The following FAM237A variants were observed in gnomAD, a reference collection of about 807,000 sequenced individuals.
The protein encoded by FAM237A is family with sequence similarity 237 member A.
FAM237A carries 14 observed loss-of-function variants against 12.5 expected under a neutral mutation model. The ratio of observed to expected loss-of-function variants is 1.12; its 90% confidence interval spans 0.74 to 1.75. The LOEUF (loss-of-function observed/expected upper bound fraction) is 1.75. Among genes scored for constraint, FAM237A ranks in the 40% most tolerant of loss-of-function variants. The pLI, the probability that FAM237A is intolerant of heterozygous loss-of-function variation, is 0.00. For missense variants in FAM237A, 240 were observed against 211.7 expected, an observed-to-expected ratio of 1.13 and a Z score of -0.83; for synonymous variants, 85 against 77.5, an observed-to-expected ratio of 1.10 and a Z score of -0.51.
At position 206,644,346 on chromosome 2, in the gene FAM237A, C is replaced by A; in HGVS notation, c.110C>A (p.Thr37Lys). The A allele has an allele frequency of 6.2e-7, 1 of 1,613,638 alleles. No individual in the cohort carries two copies. The highest frequency in any genetic ancestry group is 8.5e-7 in the Non-Finnish European group (1 of 1,179,718). ...TCTCCTTTCTTCTGCCATAGCCAGA[C>A]AGACTTGCTGGCTCTTAGCCAAGCT... is the stretch of plus-strand genomic sequence containing the variant. ...CVSPFFCHSQ[T>K]DLLALSQADP... Residue 37 changes from threonine to lysine, a missense_variant, in exon 2 of 3, where the codon ACA (threonine) becomes AAA (lysine). Transcript: ENST00000441223.
intron 2 of FAM237A, 82 bp from the exon 3 acceptor site, chr2:206,648,579 C>G: frequency 2.0e-5 from 28 of 1,377,316 alleles, no homozygotes; most frequent in Non-Finnish European, 2.6e-5. Flanking sequence ...ATCAAACCTG[C>G]CTTTTAAAGA....
intron 2 of FAM237A, 24 bp from the exon 3 acceptor site, chr2:206,648,637 G>T: frequency 1.3e-6 from 2 of 1,571,914 alleles, no homozygotes; most frequent in Non-Finnish European, 1.7e-6. Context: ...GTGATCTTAT[G>T]AAGTTCCGCT....
At chr2:206,643,362 G>A (rs995357827) in intron 1 of FAM237A, 1 of 152,110 alleles carries the variant, frequency 6.6e-6, no homozygotes, top group Non-Finnish European at 1.5e-5. Context: ...GGCAAAAAAA[G>A]TGAACATTTG....
At chr2:206,648,621 A>G in intron 2 of FAM237A, 40 bp from the exon 3 acceptor site, 2 of 1,551,408 alleles carry the variant, frequency 1.3e-6, no homozygotes, top group Non-Finnish European at 1.7e-6. Context: ...ACCTGAAACT[A>G]ATTTGGTGAT....
At chr2:206,645,916 G>A (rs1429316583) in intron 2 of FAM237A, among the ~76,000 whole-genome samples, 1 of 151,778 alleles carries the variant, frequency 6.6e-6, no homozygotes, top group Non-Finnish European at 1.5e-5. Context: ...TTGAACAGAG[G>A]CTGCCCAGGC....
At position 206,649,215 on chromosome 2, in the gene FAM237A, A is replaced by G. The variant is rs992697731; in HGVS notation, c.*421A>G. ...GGCACATAAGGGACTACATTTTGGA[A>G]TTACTAGTTACTGACAATCTATGAT... On this transcript the variant is annotated 3_prime_UTR_variant, in exon 3 of 3. Transcript: ENST00000441223. 1.3e-5 allele frequency among the ~76,000 whole-genome samples: 2 copies of G among 152,206 alleles called. No homozygotes were observed. The highest frequency in any genetic ancestry group is 4.8e-5 in the African/African-American group (2 of 41,464).
rs1699352639 is a variant in FAM237A, at chr2:206,648,945, C to G, written c.*151C>G. The stretch of plus-strand genomic sequence containing the variant: ...CTCTCAGTATACTAATTTAAAGCTG[C>G]CTTCTATTATTTATTTATTTATTTT... On this transcript the variant is annotated 3_prime_UTR_variant, in exon 3 of 3. Coordinates refer to ENST00000441223, the MANE Select transcript of FAM237A (RefSeq NM_001102659.3). 1 of 467,254 alleles carries G rather than the reference C, an allele frequency of 2.1e-6. No individual in the cohort carries two copies. The allele number at this position is 467,254 out of a possible 1,614,324, so 28.9% of individuals were successfully genotyped here. A position where few individuals can be genotyped will look rare whatever the true frequency, so the allele number is the denominator to read the frequency against.
At position 206,649,353 on chromosome 2, in the gene FAM237A, G is replaced by C. The variant is rs553175262; in HGVS notation, c.*559G>C. On this transcript the variant is annotated 3_prime_UTR_variant, in exon 3 of 3. Transcript: ENST00000441223. ...TCTAATGAAAACAAAATTAATAAAAGCTCTGGACCCCAGGTAATGTTATTG... is the reference window on the plus strand; with the variant it reads ...TCTAATGAAAACAAAATTAATAAAACCTCTGGACCCCAGGTAATGTTATTG... Among the ~76,000 whole-genome samples, 2 of 152,188 alleles carry C rather than the reference G, an allele frequency of 1.3e-5. No individual in the cohort carries two copies. The highest frequency in any genetic ancestry group is 2.4e-5 in the African/African-American group (1 of 41,518).
At chr2:206,647,782 G>A (rs1699335900) in intron 2 of FAM237A, among the ~76,000 whole-genome samples, 1 of 152,058 alleles carries the variant, frequency 6.6e-6, no homozygotes, top group African/African-American at 2.4e-5. Flanking sequence ...AAATTTTGAA[G>A]TACATTCTTC....
rs546670891 is a variant in FAM237A, at chr2:206,647,636, C to CACAG, written c.413-1022_413-1021insGACA. Among the ~76,000 whole-genome samples the CACAG allele has an allele frequency of 1.2e-3, 143 of 122,148 alleles. 4 individuals carry two copies. The South Asian group carries it at 0.029, about 25-fold the overall frequency. The allele number at this position is 122,148 out of a possible 152,430, so 80.1% of individuals were successfully genotyped here. A position where few individuals can be genotyped will look rare whatever the true frequency, so the allele number is the denominator to read the frequency against. Reference sequence around the variant, plus strand: ...AAAGGGTGAGAGAGACACACAGACACACACACACACACACACACACACACA... The same window carrying CACAG: ...AAAGGGTGAGAGAGACACACAGACACACAGACACACACACACACACACACACACA... On this transcript the variant is annotated intron_variant, in intron 2 of 2. Coordinates refer to ENST00000441223, the MANE Select transcript of FAM237A (RefSeq NM_001102659.3).
intron 2 of FAM237A, among the ~76,000 whole-genome samples, chr2:206,648,132 C>T (rs180962433): frequency 1.9e-4 from 29 of 152,278 alleles, no homozygotes; most frequent in Non-Finnish European, 3.7e-4. Flanking sequence ...CAATTACCCA[C>T]CTAGAAATCT....
At chr2:206,647,419 G>A (rs933216105) in intron 2 of FAM237A, among the ~76,000 whole-genome samples, 1 of 152,128 alleles carries the variant, frequency 6.6e-6, no homozygotes, top group Non-Finnish European at 1.5e-5. Flanking sequence ...AGGAACAGAC[G>A]AGGTTCAGAA....
chr2:206,645,629 T>C (rs997787478), intron 2 of FAM237A, among the ~76,000 whole-genome samples: 2 of 152,234 alleles, frequency 1.3e-5, no homozygotes, highest in African/African-American at 4.8e-5. Context: ...TTAACAGTGG[T>C]AGTTCTAGTG....
chr2:206,648,982 A>C lies in FAM237A; in HGVS notation c.*188A>C, dbSNP rs1228681341. On this transcript the variant is annotated 3_prime_UTR_variant, in exon 3 of 3. Coordinates refer to ENST00000441223, the MANE Select transcript of FAM237A (RefSeq NM_001102659.3). ...TATTTATTTATTTTAGGCTGCTAGC[A>C]TGTTTCTTCTAATGGTGACATTACT... 5 of 329,494 alleles carry C rather than the reference A, an allele frequency of 1.5e-5. No individual in the cohort carries two copies. Among genetic ancestry groups the C allele is most frequent in the African/African-American group, 1.1e-4 (5 of 45,394 alleles). The allele number at this position is 329,494 out of a possible 1,614,324, so 20.4% of individuals were successfully genotyped here.
rs551796647 is a variant in FAM237A, at chr2:206,644,428, C to T, written c.192C>T (p.Arg64=). 56 of 1,613,826 alleles carry T rather than the reference C, an allele frequency of 3.5e-5. No homozygotes were observed. In the South Asian group the frequency reaches 4.7e-4, roughly 14 times the overall value. Reference sequence around the variant, plus strand: ...TTCTCCTGGAAATGTGGAAACCTCGCGTTTCCAACACTGTTTCAGGCTTCT... The same window carrying T: ...TTCTCCTGGAAATGTGGAAACCTCGTGTTTCCAACACTGTTTCAGGCTTCT... ...SVLLLEMWKP[R]VSNTVSGFWD... is the part of the protein sequence containing the mutation. Residue 64 remains arginine (R), a synonymous_variant, in exon 2 of 3, where the codon CGC becomes CGT. Coordinates refer to ENST00000441223, the MANE Select transcript of FAM237A (RefSeq NM_001102659.3).
chr2:206,648,562 C>T, intron 2 of FAM237A, 99 bp from the exon 3 acceptor site: 2 of 1,212,668 alleles, frequency 1.6e-6, no homozygotes, highest in Non-Finnish European at 1.1e-6. Context: ...ATTGGAGTGG[C>T]AGAAACATCA....
chr2:206,644,662 G>A lies in FAM237A; in HGVS notation c.412+14G>A, dbSNP rs79593632. ...GGAGTAAACAAGGTGGTCAACCCCA[G>A]CTCCCATGTCTTTTGAAAGGGTCAA... On this transcript the variant is annotated intron_variant, in intron 2 of 2. Coordinates refer to ENST00000441223, the MANE Select transcript of FAM237A (RefSeq NM_001102659.3). 1,203 of 1,535,622 alleles carry A rather than the reference G, an allele frequency of 7.8e-4. 4 individuals are homozygous for A. In the African/African-American group the frequency reaches 0.015, roughly 19 times the overall value.
At position 206,644,320 on chromosome 2, in the gene FAM237A, A is replaced by T. The variant is rs748552334; in HGVS notation, c.84A>T (p.Val28=). Residue 28 remains valine, a synonymous_variant, in exon 2 of 3, where the codon GTA becomes GTT. Transcript: ENST00000441223. ...TGCTCATTGTGGGAATGTGCTGTGT[A>T]TCTCCTTTCTTCTGCCATAGCCAGA... ...CSLLIVGMCC[V]SPFFCHSQTD... 6.2e-7 allele frequency: 1 copy of T among 1,613,420 alleles called. No individual in the cohort carries two copies. The highest frequency in any genetic ancestry group is 8.5e-7 in the Non-Finnish European group (1 of 1,179,656).
At chr2:206,645,122 T>A (rs1033378992) in intron 2 of FAM237A, among the ~76,000 whole-genome samples, 1 of 152,184 alleles carries the variant, frequency 6.6e-6, no homozygotes, top group African/African-American at 2.4e-5. Context: ...TTCATGTAAA[T>A]AGAGAGGCTC....
Sources: gnomAD v4.1 joint callset for allele counts (sites outside exome capture counted in the v4.1 genomes callset) on GRCh38, gnomAD v4.1.1 for gene constraint, MANE v1.5 for transcripts, NCBI Gene and HGNC (gene_info 2026-07-23, HGNC 2026-07-21) for gene names.